Variants in NOTCH2 observed in about 807,000 individuals in gnomAD.
NOTCH2 encodes the protein notch receptor 2.
A neutral mutation model predicts 235.8 loss-of-function variants in NOTCH2; 29 were observed. The observed-to-expected ratio is 0.12, with a 90% CI of 0.09 to 0.17. The LOEUF (loss-of-function observed/expected upper bound fraction) is 0.17. Among genes scored for constraint, NOTCH2 ranks in the 10% least tolerant of loss-of-function variants. The probability of loss-of-function intolerance (pLI) is 1.00; values close to 1 mark genes in which losing one functional copy is unlikely to be tolerated. For synonymous variants in NOTCH2, 1,086 were observed against 1,141.5 expected (o/e 0.95, Z 0.98); for missense variants, 2,285 against 3,150.2 (o/e 0.73, Z 6.57).
At chr1:119,995,483 T>C (rs1263874052) in intron 4 of NOTCH2, 1 of 152,238 alleles carries the variant, frequency 6.6e-6, no homozygotes, top group Non-Finnish European at 1.5e-5. Context: ...CCAGAGATAT[T>C]TGCAATATTG....
chr1:120,064,745 T>C lies in NOTCH2; in HGVS notation c.73+4589A>G, dbSNP rs587612509. On this transcript the variant is annotated intron_variant, in intron 1 of 33. Transcript: ENST00000256646. ...TCAGTAGGGTGTTCAGGGGACTCTC[T>C]TGGTTCAAAAAAAAAAAAAAGCAAA... Among the ~76,000 whole-genome samples the C allele has an allele frequency of 7.4e-5, 10 of 134,462 alleles. No homozygotes were observed. In the South Asian group the frequency reaches 2.5e-3, roughly 33 times the overall value. 88.2% of individuals were successfully genotyped at this position (134,462 alleles called of 152,430 possible).
At position 119,922,193 on chromosome 1, in the gene NOTCH2, C is replaced by T. The variant is rs763577964; in HGVS notation, c.5213+43G>A. On this transcript the variant is annotated intron_variant, in intron 28 of 33. Coordinates refer to ENST00000256646, the MANE Select transcript of NOTCH2 (RefSeq NM_024408.4). The stretch of plus-strand genomic sequence containing the variant: ...ACAAGATATGCTTTTCTAGTCATCC[C>T]TACTTATACTGTGAATAGTGGCTTA... 27 of 1,577,842 alleles carry T rather than the reference C, an allele frequency of 1.7e-5. No individual in the cohort carries two copies. The Admixed American group carries it at 4.3e-4, about 25-fold the overall frequency.
intron 4 of NOTCH2, chr1:119,995,610 T>C (rs1161301581): frequency 4.6e-5 from 7 of 152,210 alleles, no homozygotes; most frequent in Admixed American, 3.9e-4. Context: ...CAAGATAAAG[T>C]GAATAGTAAT....
chr1:120,029,025 G>A (rs1395691992), intron 2 of NOTCH2, among the ~76,000 whole-genome samples: 3 of 150,976 alleles, frequency 2.0e-5, no homozygotes, highest in Non-Finnish European at 4.4e-5. Flanking sequence ...AAAAAAAAAT[G>A]CTCTTAAGCC....
intron 5 of NOTCH2, among the ~76,000 whole-genome samples, chr1:119,985,478 C>T (rs1651981029): frequency 6.6e-6 from 1 of 152,078 alleles, no homozygotes; most frequent in African/African-American, 2.4e-5. Flanking sequence ...GCAGGCCTTC[C>T]TAATTAATAT....
chr1:119,917,417 G>C (rs587742710), intron 33 of NOTCH2, among the ~76,000 whole-genome samples: 32 of 152,324 alleles, frequency 2.1e-4, no homozygotes, highest in African/African-American at 7.7e-4. Context: ...GGAAGAGAAA[G>C]AGTTACACCA....
intron 2 of NOTCH2, among the ~76,000 whole-genome samples, chr1:120,017,400 T>G (rs1653488485): frequency 6.6e-6 from 1 of 152,182 alleles, no homozygotes. Flanking sequence ...CCTGAGCCTG[T>G]GTTACTCATT....
chr1:119,918,594 GA>G, intron 31 of NOTCH2, 41 bp from the exon 32 acceptor site: 2 of 1,607,452 alleles, frequency 1.2e-6, no homozygotes, highest in Non-Finnish European at 1.7e-6. Flanking sequence ...TCACCTGGAT[GA>G]AGGAAAATAA....
At chr1:119,983,589 A>G (rs1651899501) in intron 5 of NOTCH2, among the ~76,000 whole-genome samples, 2 of 152,254 alleles carry the variant, frequency 1.3e-5, no homozygotes, top group Non-Finnish European at 2.9e-5. Context: ...TGTTTAGCAT[A>G]ATAGCTGTTG....
chr1:119,969,937 G>A (rs114160710), intron 5 of NOTCH2, among the ~76,000 whole-genome samples, 193 bp from the exon 6 acceptor site: 364 of 152,196 alleles, frequency 2.4e-3, no homozygotes, highest in Middle Eastern at 0.024. Flanking sequence ...CAGGCAAATC[G>A]TTTCAAGATG....
chr1:119,944,416 T>A (rs1371006079), intron 17 of NOTCH2, among the ~76,000 whole-genome samples: 7 of 151,472 alleles, frequency 4.6e-5, no homozygotes, highest in African/African-American at 1.7e-4. Context: ...GCACCTGTAG[T>A]CCCAGCTACT....
chr1:119,997,373 T>C, intron 3 of NOTCH2, 41 bp from the exon 4 acceptor site: 3 of 1,574,692 alleles, frequency 1.9e-6, no homozygotes, highest in East Asian at 2.2e-5. Context: ...GCCACAGAAA[T>C]AGGAGATGGC....
At chr1:119,983,488 C>T (rs937124900) in intron 5 of NOTCH2, among the ~76,000 whole-genome samples, 13 of 152,146 alleles carry the variant, frequency 8.5e-5, no homozygotes, top group Non-Finnish European at 1.6e-4. Flanking sequence ...TTGACAATTA[C>T]AACACATCTC....
intron 13 of NOTCH2, among the ~76,000 whole-genome samples, chr1:119,954,059 TG>T (rs201096181): frequency 0.025 from 3,772 of 152,308 alleles, 83 homozygotes; most frequent in South Asian, 0.11. Flanking sequence ...TAGTTTTTGG[TG>T]CCAAATAGAT....
At chr1:120,001,190 G>A (rs755999508) in intron 3 of NOTCH2, among the ~76,000 whole-genome samples, 8 of 152,014 alleles carry the variant, frequency 5.3e-5, no homozygotes, top group South Asian at 2.1e-4. Context: ...TTTTCTTTCC[G>A]GTCTCGGGGA....
At chr1:119,918,613 CAG>C in intron 31 of NOTCH2, 60 bp from the exon 32 acceptor site, 1 of 1,574,042 alleles carries the variant, frequency 6.4e-7, no homozygotes, top group Non-Finnish European at 8.7e-7. Context: ...TAATGAAACT[CAG>C]TGAAGAAACA....
At chr1:119,938,687 T>C (rs1649951853) in intron 19 of NOTCH2, among the ~76,000 whole-genome samples, 1 of 146,098 alleles carries the variant, frequency 6.8e-6, no homozygotes, top group African/African-American at 2.5e-5. Context: ...ATATTCATTC[T>C]TTTTTTTTTT....
chr1:119,920,355 C>G lies in NOTCH2; in HGVS notation c.5353G>C (p.Asp1785His). Residue 1785 changes from aspartate (D) to histidine (H), a missense_variant, in exon 30 of 34, where the codon GAT becomes CAT. This residue lies in a region of NOTCH2 where 1,173 missense variants were observed against 1,515.3 expected (regional missense o/e 0.77). Coordinates refer to ENST00000256646, the MANE Select transcript of NOTCH2 (RefSeq NM_024408.4). Reference sequence around the variant, plus strand: ...TGCTGCTGTGTCCATGGCCGTCGATCAATGGGGTCATCTTCTTCTGAGAGT... The same window carrying G: ...TGCTGCTGTGTCCATGGCCGTCGATGAATGGGGTCATCTTCTTCTGAGAGT... ...ALLSEEDDPI[D>H]RRPWTQQHLE... is the part of the protein sequence containing the mutation. The G allele has an allele frequency of 6.2e-7, 1 of 1,614,212 alleles. No individual in the cohort carries two copies.
chr1:119,958,357 G>A (rs1650791599), intron 12 of NOTCH2, among the ~76,000 whole-genome samples: 1 of 152,204 alleles, frequency 6.6e-6, no homozygotes, highest in Admixed American at 6.5e-5. Flanking sequence ...ATACCAAATA[G>A]GAGAAATTCT....
Sources: allele counts gnomAD v4.1 joint callset (sites outside exome capture counted in the v4.1 genomes callset), GRCh38; gene constraint gnomAD v4.1.1; regional missense constraint gnomAD v4.1.1; transcripts MANE v1.5; gene names NCBI Gene and HGNC (gene_info 2026-07-23, HGNC 2026-07-21).